The following ZNF512 variants were observed in gnomAD, a reference collection of about 807,000 sequenced individuals.
ZNF512 encodes zinc finger protein 512.
In ZNF512, 25 loss-of-function variants were observed where a neutral mutation model predicts 77.5. That is an observed-to-expected ratio of 0.32 (90% CI 0.23 to 0.45). ZNF512 has a LOEUF of 0.45. Ranked by LOEUF, ZNF512 falls within the 20% of genes least tolerant of loss-of-function variation. The probability of loss-of-function intolerance (pLI) is 1.00; values close to 1 mark genes in which losing one functional copy is unlikely to be tolerated. For missense variants in ZNF512, 483 were observed against 692.6 expected (o/e 0.70, Z 3.40); for synonymous variants, 246 against 239.9 (o/e 1.03, Z -0.24).
rs1672856710 is a variant in ZNF512, at chr2:27,615,778, G to A, written c.1234-484G>A. On this transcript the variant is annotated intron_variant, in intron 11 of 13. Coordinates refer to ENST00000355467, the MANE Select transcript of ZNF512 (RefSeq NM_032434.4). ...GAAGGGTAAATAGACTCCACTTCTT[G>A]ATGGCAAGAGTGGAAGAGAATTTGC... 2.0e-5 allele frequency among the ~76,000 whole-genome samples: 3 copies of A among 152,178 alleles called. No individual in the cohort carries two copies. In the South Asian group the frequency reaches 6.2e-4, roughly 32 times the overall value.
intron 2 of ZNF512, among the ~76,000 whole-genome samples, chr2:27,590,062 C>G (rs1425039860): frequency 1.3e-5 from 2 of 152,194 alleles, no homozygotes; most frequent in Non-Finnish European, 2.9e-5. Context: ...TAAATGTTAA[C>G]TAGAGCAAGG....
At chr2:27,583,474 T>C in intron 1 of ZNF512, 184 bp from the exon 2 acceptor site, 1 of 1,464,798 alleles carries the variant, frequency 6.8e-7, no homozygotes. Context: ...GCTCTGGTAT[T>C]GTTACCCGCC....
At chr2:27,601,929 G>A (rs944022813) in intron 7 of ZNF512, among the ~76,000 whole-genome samples, 9 of 152,202 alleles carry the variant, frequency 5.9e-5, no homozygotes, top group Admixed American at 5.9e-4. Flanking sequence ...GATTATAGGC[G>A]TGAGCCATCG....
At chr2:27,606,009 G>T (rs1275843485) in intron 9 of ZNF512, among the ~76,000 whole-genome samples, 1 of 152,122 alleles carries the variant, frequency 6.6e-6, no homozygotes, top group African/African-American at 2.4e-5. Flanking sequence ...ATTCTAATAG[G>T]TACGTAGTAG....
At chr2:27,602,396 T>C (rs1672154177) in intron 7 of ZNF512, 67 bp from the exon 8 acceptor site, 2 of 1,486,850 alleles carry the variant, frequency 1.3e-6, no homozygotes, top group Non-Finnish European at 1.8e-6. Flanking sequence ...TCTCCTCTGA[T>C]ATTTTTTTTC....
In ZNF512 at chr2:27,583,159, G is replaced by A. The variant is rs774218975; in HGVS notation, c.30+17G>A. 4.3e-6 allele frequency: 7 copies of A among 1,614,190 alleles called. No homozygotes were observed. The South Asian group carries it at 7.7e-5, about 18-fold the overall frequency. ...GTACCCGCCGTGAGTTTCTTGGTTT[G>A]ACCGTTATGCTTTAGAGGTAGCGCT... On this transcript the variant is annotated intron_variant, in intron 1 of 13. Transcript: ENST00000355467.
At chr2:27,612,844 T>C (rs1442341202) in intron 10 of ZNF512, among the ~76,000 whole-genome samples, 1 of 152,222 alleles carries the variant, frequency 6.6e-6, no homozygotes, top group African/African-American at 2.4e-5. Flanking sequence ...CATCATTGTG[T>C]CATTTATTTG....
intron 8 of ZNF512, 52 bp from the exon 9 acceptor site, chr2:27,603,088 G>C (rs1407655549): frequency 1.3e-6 from 2 of 1,593,430 alleles, no homozygotes; most frequent in Non-Finnish European, 1.7e-6. Context: ...GAAATTTAGG[G>C]ATCATGTCAA....
intron 6 of ZNF512, 36 bp from the exon 7 acceptor site, chr2:27,601,320 G>A: frequency 6.7e-7 from 1 of 1,498,726 alleles, no homozygotes; most frequent in Non-Finnish European, 9.2e-7. Context: ...TTTCTCTGTG[G>A]AACAACCTAG....
At chr2:27,598,376 TC>T in intron 3 of ZNF512, 122 bp downstream of exon 3, 1 of 1,004,126 alleles carries the variant, frequency 1.0e-6, no homozygotes, top group Non-Finnish European at 1.4e-6. Context: ...ACGCCTGTAA[TC>T]CCAGCACTTT....
intron 10 of ZNF512, among the ~76,000 whole-genome samples, chr2:27,610,544 G>GTGTGTGTATATA (rs1413007886): frequency 1.8e-4 from 6 of 32,654 alleles, no homozygotes; most frequent in East Asian, 1.6e-3. Context: ...ATATGTGTGT[G>GTGTGTGTATATA]TATATATATA....
At chr2:27,604,043 C>T (rs1228287556) in intron 9 of ZNF512, among the ~76,000 whole-genome samples, 2 of 152,164 alleles carry the variant, frequency 1.3e-5, no homozygotes, top group Admixed American at 1.3e-4. Flanking sequence ...TCTCCTACTT[C>T]AGCTTCCCGA....
At chr2:27,596,391 C>A (rs1362477312) in intron 2 of ZNF512, among the ~76,000 whole-genome samples, 2 of 151,982 alleles carry the variant, frequency 1.3e-5, no homozygotes, top group South Asian at 2.1e-4. Flanking sequence ...TTAAGAGATT[C>A]TTTTTTTTGC....
At chr2:27,593,234 A>G (rs1671678673) in intron 2 of ZNF512, among the ~76,000 whole-genome samples, 1 of 149,610 alleles carries the variant, frequency 6.7e-6, no homozygotes, top group East Asian at 2.0e-4. Flanking sequence ...ACACACACAC[A>G]CACACACACA....
At chr2:27,588,221 T>G (rs1384272459) in intron 2 of ZNF512, among the ~76,000 whole-genome samples, 1 of 152,072 alleles carries the variant, frequency 6.6e-6, no homozygotes, top group African/African-American at 2.4e-5. Context: ...ATTTCATGCT[T>G]TTATGTATCC....
chr2:27,591,734 G>A (rs556579539), intron 2 of ZNF512, among the ~76,000 whole-genome samples: 1 of 152,308 alleles, frequency 6.6e-6, no homozygotes, highest in African/African-American at 2.4e-5. Context: ...GTAGAGACAA[G>A]GTCTTGCTAT....
intron 7 of ZNF512, 38 bp from the exon 8 acceptor site, chr2:27,602,425 C>T: frequency 1.3e-6 from 2 of 1,587,580 alleles, no homozygotes; most frequent in Non-Finnish European, 1.7e-6. Flanking sequence ...TTATCTTTTC[C>T]ATGAATCATC....
chr2:27,587,284 T>C (rs1277521646), intron 2 of ZNF512, among the ~76,000 whole-genome samples: 1 of 147,372 alleles, frequency 6.8e-6, no homozygotes, highest in African/African-American at 2.5e-5. Context: ...TTTTTTTTTT[T>C]TTCTTTTTTT....
intron 2 of ZNF512, among the ~76,000 whole-genome samples, chr2:27,589,707 A>G (rs1371422782): frequency 6.6e-6 from 1 of 152,098 alleles, no homozygotes. Context: ...GTTTCTAAGT[A>G]TTGCTTTAGT....
Sources: allele counts gnomAD v4.1 joint callset (sites outside exome capture counted in the v4.1 genomes callset), GRCh38; gene constraint gnomAD v4.1.1; transcripts MANE v1.5; gene names NCBI Gene and HGNC (gene_info 2026-07-23, HGNC 2026-07-21).